TOGARAM2: variants seen among roughly 807,000 people sequenced by gnomAD.
TOGARAM2 encodes TOG array regulator of axonemal microtubules 2.
A neutral mutation model predicts 93.3 loss-of-function variants in TOGARAM2; 85 were observed. That is an observed-to-expected ratio of 0.91 (90% CI 0.76 to 1.09). The LOEUF (loss-of-function observed/expected upper bound fraction) is 1.09, where lower values mean the gene tolerates loss of function less well. TOGARAM2 is among the 50% of genes least tolerant of loss of function. TOGARAM2 has a pLI of 0.00. For synonymous variants in TOGARAM2, 593 were observed against 552.8 expected (o/e 1.07, Z -1.02); for missense variants, 1,277 against 1,334.5 (o/e 0.96, Z 0.67).
In TOGARAM2 at chr2:29,045,384, T is replaced by G. The variant is rs562680249; in HGVS notation, c.2696T>G (p.Val899Gly). 4.2e-5 allele frequency: 68 copies of G among 1,613,696 alleles called. No individual in the cohort carries two copies. The South Asian group carries it at 6.7e-4, about 16-fold the overall frequency. Residue 899 changes from valine (V) to glycine (G), a missense_variant, in exon 19 of 20, where the codon GTG becomes GGG. Val to Gly is a moderately radical substitution (Grantham distance 109, BLOSUM62 -3). Transcript: ENST00000379558. ...GTGCGTTTCCTGAGTGGCCGTGCGG[T>G]GCTGGATGTCACAGATCGCCTGGCA... Reference protein sequence around the residue: ...GRVRFLSGRAVLDVTDRLAVL... With the variant: ...GRVRFLSGRAGLDVTDRLAVL...
chr2:29,042,546 G>A lies in TOGARAM2; in HGVS notation c.2636-2778G>A, dbSNP rs139217074. Among the ~76,000 whole-genome samples, 256 of 152,272 alleles carry A rather than the reference G, an allele frequency of 1.7e-3. 1 individual carries two copies. Among genetic ancestry groups the A allele is most frequent in the African/African-American group, 5.8e-3 (240 of 41,542 alleles). On this transcript the variant is annotated intron_variant, in intron 18 of 19. Transcript: ENST00000379558. ...GGTGGATGAGCAGAAAGAACACTCG[G>A]GGGGGCTACAGGCAGGTGAAAGATG... is the stretch of plus-strand genomic sequence containing the variant.
rs1572612802 is a variant in TOGARAM2 at position 28,956,928 on chromosome 2, T to C, written c.-147+231T>C. Reference sequence around the variant, plus strand: ...TCACCTGAGGTCAGGAGTTCGAGACTAGCCTAGCCAACATGGCGAACCCCT... The same window carrying C: ...TCACCTGAGGTCAGGAGTTCGAGACCAGCCTAGCCAACATGGCGAACCCCT... On this transcript the variant is annotated intron_variant, in intron 1 of 6. Transcript: ENST00000401723. The surrounding 1 kb of genome is among the most constrained non-coding windows in gnomAD (Gnocchi z 4.5). 6.6e-6 allele frequency among the ~76,000 whole-genome samples: 1 copy of C among 151,876 alleles called. No individual in the cohort carries two copies. Among genetic ancestry groups the C allele is most frequent in the Non-Finnish European group, 1.5e-5 (1 of 67,940 alleles).
chr2:29,030,546 C>T (rs1441444513), intron 14 of TOGARAM2, among the ~76,000 whole-genome samples: 2 of 152,168 alleles, frequency 1.3e-5, no homozygotes, highest in African/African-American at 2.4e-5. Context: ...TCTAAAGTCT[C>T]TCCAGATCTG....
intron 14 of TOGARAM2, among the ~76,000 whole-genome samples, chr2:29,029,118 G>A (rs1337821490): frequency 6.6e-6 from 1 of 152,174 alleles, no homozygotes; most frequent in African/African-American, 2.4e-5. Context: ...TATCCATTGG[G>A]TATCATCATA....
intron 14 of TOGARAM2, among the ~76,000 whole-genome samples, chr2:29,028,039 T>A (rs1392234144): frequency 1.3e-5 from 2 of 152,106 alleles, no homozygotes. Context: ...TGAGGAGGTG[T>A]TGGAGGATTT....
At chr2:28,976,851 T>C (rs1672045682), upstream of TOGARAM2, among the ~76,000 whole-genome samples, 1 of 152,208 alleles carries the variant, frequency 6.6e-6, no homozygotes, top group Non-Finnish European at 1.5e-5. Flanking sequence ...TCCTTGGCAG[T>C]GTCTGAGCAC....
Position 29,002,575 on chromosome 2 carries a change from T to G in TOGARAM2, c.467T>G (p.Leu156Arg), listed in dbSNP as rs1338423491. The G allele has an allele frequency of 2.5e-6, 4 of 1,613,974 alleles. No homozygotes were observed. Among genetic ancestry groups the G allele is most frequent in the Non-Finnish European group, 2.5e-6 (3 of 1,179,886 alleles). ...GGGGGAGGCCCCCAAGGAGTTCCCC[T>G]GCACAGCACCATCCCCCGAGCCACC... ...DPGGGPQGVP[L>R]HSTIPRATSQ... The change falls in exon 5 of 20, where the codon CTG (leucine) becomes CGG (arginine). Residue 156 changes from leucine (L) to arginine (R), a missense_variant. Leu to Arg is a moderately radical substitution (Grantham distance 102). Transcript: ENST00000379558.
intron 1 of TOGARAM2, among the ~76,000 whole-genome samples, chr2:28,961,833 A>G (rs774905008): frequency 3.9e-5 from 6 of 152,340 alleles, no homozygotes; most frequent in East Asian, 1.9e-4. Context: ...AACCAGTGAT[A>G]TACTTTCTAT....
intron 18 of TOGARAM2, among the ~76,000 whole-genome samples, chr2:29,044,068 T>C (rs546384761): frequency 2.6e-5 from 4 of 152,332 alleles, no homozygotes; most frequent in African/African-American, 9.6e-5. Flanking sequence ...ATTTCAGTTC[T>C]TTCAAGATAC....
intron 1 of TOGARAM2, among the ~76,000 whole-genome samples, chr2:28,963,717 T>A (rs1199820329): frequency 6.6e-6 from 1 of 152,074 alleles, no homozygotes; most frequent in Admixed American, 6.6e-5. Flanking sequence ...TTGAAAAGAA[T>A]GTGTACCTGG....
At chr2:29,043,230 A>C (rs1037814561) in intron 18 of TOGARAM2, among the ~76,000 whole-genome samples, 18 of 152,176 alleles carry the variant, frequency 1.2e-4, no homozygotes, top group African/African-American at 3.9e-4. Context: ...TTTATCTCCC[A>C]GGGCAAATTA....
At chr2:28,983,333 C>T (rs1399183015) in intron 1 of TOGARAM2, among the ~76,000 whole-genome samples, 4 of 140,368 alleles carry the variant, frequency 2.8e-5, no homozygotes, top group Non-Finnish European at 6.2e-5. Context: ...GTGTGAGCCA[C>T]CACGCTGGGC....
chr2:28,978,217 A>G (rs117616688), upstream of TOGARAM2, among the ~76,000 whole-genome samples: 57 of 152,116 alleles, frequency 3.7e-4, no homozygotes, highest in East Asian at 0.01. Flanking sequence ...GGAGATGGGT[A>G]TAAGTAAGGG....
chr2:29,014,704 A>G lies in TOGARAM2; in HGVS notation c.1044+143A>G, dbSNP rs1664452178. Reference sequence around the variant, plus strand: ...AGCCCGAGGCAGCCACCCAAGTACTAAAGGCCAGAACCTGCAGACGGGGTT... The same window carrying G: ...AGCCCGAGGCAGCCACCCAAGTACTGAAGGCCAGAACCTGCAGACGGGGTT... On this transcript the variant is annotated intron_variant, in intron 8 of 19. Transcript: ENST00000379558. The G allele has an allele frequency of 8.4e-6, 9 of 1,069,956 alleles. No homozygotes were observed. In the South Asian group the frequency reaches 1.3e-4, roughly 16 times the overall value. 66.3% of individuals were successfully genotyped at this position (1,069,956 alleles called of 1,614,324 possible).
At chr2:29,024,454 A>AGGAGGGAAGGGTGCAGGGAGGGAG (rs1665199297) in intron 13 of TOGARAM2, 80 bp downstream of exon 13, 2 of 538,032 alleles carry the variant, frequency 3.7e-6, no homozygotes, top group African/African-American at 4.0e-5. Context: ...ATGTGAAAGA[A>AGGAGGGAAGGGTGCAGGGAGGGAG]GGAGGGAAGG....
In TOGARAM2 at chr2:29,026,471, G is replaced by T. The variant is rs2148356078; in HGVS notation, c.1854-382G>T. Among the ~76,000 whole-genome samples the T allele has an allele frequency of 3.9e-5, 6 of 152,294 alleles. 1 individual carries two copies. Among genetic ancestry groups the T allele is most frequent in the Admixed American group, 3.9e-4 (6 of 15,302 alleles). On this transcript the variant is annotated intron_variant, in intron 13 of 19. Transcript: ENST00000379558. ...GTGGGTGGGATGTCTAATTCTGCCT[G>T]TGGGGCTGGGGAAAGAAGGAAGAAG...
chr2:28,982,330 C>G (rs1235221585), intron 1 of TOGARAM2, among the ~76,000 whole-genome samples: 1 of 152,176 alleles, frequency 6.6e-6, no homozygotes, highest in Non-Finnish European at 1.5e-5. Context: ...CCTCAGAGGG[C>G]TGCCATTTCC....
At chr2:28,994,259 G>C (rs897687479) in intron 1 of TOGARAM2, among the ~76,000 whole-genome samples, 3 of 152,082 alleles carry the variant, frequency 2.0e-5, no homozygotes, top group African/African-American at 7.2e-5. Flanking sequence ...GGTCATGACC[G>C]CGCATCCTGA....
intron 16 of TOGARAM2, among the ~76,000 whole-genome samples, chr2:29,034,534 G>GCCA (rs1665966163): frequency 2.0e-5 from 3 of 152,324 alleles, no homozygotes; most frequent in Admixed American, 2.0e-4. Context: ...CAATGAGTGT[G>GCCA]GAATGCAGGA....
Sources: allele counts gnomAD v4.1 joint callset (sites outside exome capture counted in the v4.1 genomes callset), GRCh38; gene constraint gnomAD v4.1.1; non-coding constraint Gnocchi (gnomAD v3.1); transcripts MANE v1.5; gene names NCBI Gene and HGNC (gene_info 2026-07-23, HGNC 2026-07-21).